BCLAF1: variants seen among roughly 807,000 people sequenced by gnomAD.
The protein encoded by BCLAF1 is bcl-2-associated transcription factor 1.
A neutral mutation model predicts 99.5 loss-of-function variants in BCLAF1; 10 were observed. The ratio of observed to expected loss-of-function variants is 0.10; its 90% CI spans 0.06 to 0.17. The LOEUF (loss-of-function observed/expected upper bound fraction) is 0.17, where lower values mean the gene tolerates loss of function less well. Among genes scored for constraint, BCLAF1 ranks in the 10% least tolerant of loss-of-function variants. The pLI, the probability that BCLAF1 is intolerant of heterozygous loss-of-function variation, is 1.00. For missense variants in BCLAF1, 636 were observed against 1,105.8 expected (o/e 0.58, Z 6.02); for synonymous variants, 255 against 370.9 (o/e 0.69, Z 3.59).
At chr6:136,264,681 T>G (rs947491406) in intron 11 of BCLAF1, among the ~76,000 whole-genome samples, 69 of 152,226 alleles carry the variant, frequency 4.5e-4, no homozygotes, top group Admixed American at 2.0e-4. Context: ...TCTTTTAAAT[T>G]TAACTATTCA....
At chr6:136,265,056 A>G (rs915904075) in intron 11 of BCLAF1, among the ~76,000 whole-genome samples, 1 of 152,206 alleles carries the variant, frequency 6.6e-6, no homozygotes, top group African/African-American at 2.4e-5. Flanking sequence ...GTAAATTGTT[A>G]AAAGTGTTAA....
chr6:136,269,808 T>C lies in BCLAF1; in HGVS notation c.2044-196A>G, dbSNP rs115446103. 934 of 418,666 alleles carry C rather than the reference T, an allele frequency of 2.2e-3. 9 individuals are homozygous for C. Among genetic ancestry groups the C allele is most frequent in the African/African-American group, 0.017 (834 of 48,586 alleles). The allele number at this position is 418,666 out of a possible 1,614,324, so 25.9% of individuals were successfully genotyped here. On this transcript the variant is annotated intron_variant, in intron 8 of 12. Coordinates refer to ENST00000531224, the MANE Select transcript of BCLAF1 (RefSeq NM_014739.3). ...ACTATTTTTACTAAACATTTGTGTA[T>C]ACAAAGTGCAGTGGGACTGGGGAAA...
In BCLAF1 at chr6:136,268,182, T is replaced by G. The variant is rs774680930; in HGVS notation, c.2377A>C (p.Ser793Arg). 6.5e-7 allele frequency: 1 copy of G among 1,540,972 alleles called. No individual in the cohort carries two copies. The highest frequency in any genetic ancestry group is 8.7e-7 in the Non-Finnish European group (1 of 1,149,756). The change falls in exon 10 of 13, where the codon AGC becomes CGC. Residue 793 changes from serine (S) to arginine (R), a missense_variant. Physicochemically the swap from Ser to Arg is moderately radical, Grantham distance 110. This residue lies in a region of BCLAF1 where 180 missense variants were observed against 270.0 expected (regional missense o/e 0.67). Transcript: ENST00000531224. ...CTTACAAAGGTTCCTCGTGGTCGGC[T>G]AACTCCTGCAAAGCCTGAGTATTCT... Reference protein sequence around the residue: ...MKEYSGFAGVSRPRGTFFRIR... With the variant: ...MKEYSGFAGVRRPRGTFFRIR...
At chr6:136,264,043 C>T (rs1408565876) in intron 11 of BCLAF1, among the ~76,000 whole-genome samples, 1 of 152,180 alleles carries the variant, frequency 6.6e-6, no homozygotes, top group Non-Finnish European at 1.5e-5. Context: ...AGCCACATAA[C>T]TCTGCTTAAG....
chr6:136,282,743 T>C, intron 1 of BCLAF1, 56 bp from the exon 2 acceptor site: 1 of 152,172 alleles, frequency 6.6e-6, no homozygotes, highest in African/African-American at 2.4e-5. Context: ...ATAACCATTA[T>C]TTACAATGCA....
intron 2 of BCLAF1, among the ~76,000 whole-genome samples, chr6:136,282,370 A>AAG (rs1784488128): frequency 6.6e-6 from 1 of 152,058 alleles, no homozygotes; most frequent in African/African-American, 2.4e-5. Context: ...GAAATAGAAA[A>AAG]AGCAGGAGCA....
chr6:136,288,760 G>A (rs1486603431), intron 1 of BCLAF1, among the ~76,000 whole-genome samples: 3 of 152,230 alleles, frequency 2.0e-5, no homozygotes, highest in Non-Finnish European at 4.4e-5. Context: ...GCCAACTCAT[G>A]AATTTAAAAT....
rs1288945527 is a variant in BCLAF1 at position 136,276,004 on chromosome 6, G to A, written c.1521C>T (p.Asp507=). 2 of 1,610,814 alleles carry A rather than the reference G, an allele frequency of 1.2e-6. No individual in the cohort carries two copies. The highest frequency in any genetic ancestry group is 1.7e-6 in the Non-Finnish European group (2 of 1,179,058). ...PEQVKSEKLK[D]LFDYSPPLHK... The stretch of plus-strand genomic sequence containing the variant: ...GTAGAGGGGGACTGTAATCAAAGAG[G>A]TCTTTGAGCTTTTCAGACTTTACCT... The change falls in exon 5 of 13, where the codon GAC becomes GAT. Residue 507 remains aspartate (D), a synonymous_variant. Coordinates refer to ENST00000531224, the MANE Select transcript of BCLAF1 (RefSeq NM_014739.3).
At chr6:136,266,984 C>T (rs1378959463) in intron 11 of BCLAF1, 45 bp downstream of exon 11, 2 of 1,604,730 alleles carry the variant, frequency 1.2e-6, no homozygotes, top group East Asian at 2.2e-5. Context: ...TAGTATGCTT[C>T]GAAAATTAAT....
At chr6:136,283,040 G>T (rs533875794) in intron 1 of BCLAF1, among the ~76,000 whole-genome samples, 4 of 152,094 alleles carry the variant, frequency 2.6e-5, no homozygotes, top group Admixed American at 1.3e-4. Flanking sequence ...GCACAAGCCT[G>T]TAGTCCCAGC....
At chr6:136,273,361 A>T in intron 6 of BCLAF1, 174 bp from the exon 7 acceptor site, 1 of 561,518 alleles carries the variant, frequency 1.8e-6, no homozygotes, top group Non-Finnish European at 3.1e-6. Context: ...CCTCAACAGG[A>T]GAGTGTTTCG....
chr6:136,272,389 A>T (rs1421916697), intron 7 of BCLAF1, among the ~76,000 whole-genome samples: 1 of 151,952 alleles, frequency 6.6e-6, no homozygotes, highest in Admixed American at 6.6e-5. Flanking sequence ...AAGCATCAAC[A>T]AACACACATG....
chr6:136,266,960 C>T, intron 11 of BCLAF1, 69 bp downstream of exon 11: 2 of 1,545,650 alleles, frequency 1.3e-6, no homozygotes, highest in African/African-American at 1.4e-5. Context: ...TATCTGTACT[C>T]AAATTTATTC....
chr6:136,274,835 T>C lies in BCLAF1; in HGVS notation c.1852+697A>G, dbSNP rs545291379. On this transcript the variant is annotated intron_variant, in intron 6 of 12. Coordinates refer to ENST00000531224, the MANE Select transcript of BCLAF1 (RefSeq NM_014739.3). ...TAGTAACTCTGCAACTATAATTACATACTGGTAAAAATTTAAAAAAAAAAA... is the reference window on the plus strand; with the variant it reads ...TAGTAACTCTGCAACTATAATTACACACTGGTAAAAATTTAAAAAAAAAAA... Among the ~76,000 whole-genome samples the C allele has an allele frequency of 5.3e-5, 8 of 151,882 alleles. No individual in the cohort carries two copies. The East Asian group carries it at 9.7e-4, about 18-fold the overall frequency.
At chr6:136,265,865 TG>T (rs1443824987) in intron 11 of BCLAF1, among the ~76,000 whole-genome samples, 1 of 152,150 alleles carries the variant, frequency 6.6e-6, no homozygotes, top group Admixed American at 6.6e-5. Flanking sequence ...ACATCCTACT[TG>T]TCTTTCCATC....
intron 9 of BCLAF1, chr6:136,269,094 T>C: frequency 1.7e-6 from 2 of 1,145,896 alleles, no homozygotes; most frequent in South Asian, 1.9e-5. Context: ...CTGGGTGTTA[T>C]GAGTTGAAAA....
intron 9 of BCLAF1, chr6:136,269,220 A>T: frequency 2.2e-6 from 3 of 1,350,096 alleles, no homozygotes; most frequent in Non-Finnish European, 1.9e-6. Context: ...TTAATTTGTC[A>T]TTTTTTTTTT....
chr6:136,268,235 T>A lies in BCLAF1; in HGVS notation c.2324A>T (p.Glu775Val), dbSNP rs1347361743. The change falls in exon 10 of 13, where the codon GAA becomes GTA. Residue 775 changes from glutamate (E) to valine (V), a missense_variant. This residue lies in a region of BCLAF1 where 180 missense variants were observed against 270.0 expected (regional missense o/e 0.67). Coordinates refer to ENST00000531224, the MANE Select transcript of BCLAF1 (RefSeq NM_014739.3). Reference sequence around the variant, plus strand: ...CATTTCATGGTGAGTTTTAAATTCTTCTTCTCTTTCCTTCTTACTCTCCTT... The same window carrying A: ...CATTTCATGGTGAGTTTTAAATTCTACTTCTCTTTCCTTCTTACTCTCCTT... ...EEKESKKERE[E>V]EFKTHHEMKE... 6.3e-7 allele frequency: 1 copy of A among 1,588,826 alleles called. No homozygotes were observed. Among genetic ancestry groups the A allele is most frequent in the Admixed American group, 1.9e-5 (1 of 52,982 alleles).
At chr6:136,284,462 A>C (rs773006036) in intron 1 of BCLAF1, among the ~76,000 whole-genome samples, 1 of 152,190 alleles carries the variant, frequency 6.6e-6, no homozygotes, top group South Asian at 2.1e-4. Context: ...AAATGTATCT[A>C]TGTAAGTGGT....
Sources: allele counts gnomAD v4.1 joint callset (sites outside exome capture counted in the v4.1 genomes callset), GRCh38; gene constraint gnomAD v4.1.1; regional missense constraint gnomAD v4.1.1; transcripts MANE v1.5; gene names NCBI Gene and HGNC (gene_info 2026-07-23, HGNC 2026-07-21).